DENND4A: variants seen among roughly 807,000 people sequenced by gnomAD.
DENND4A encodes the protein C-myc promoter-binding protein.
DENND4A carries 70 observed loss-of-function variants against 199.3 expected under a neutral mutation model. The observed-to-expected ratio is 0.35, with a 90% confidence interval of 0.29 to 0.43. DENND4A has a LOEUF of 0.43. Among genes scored for constraint, DENND4A ranks in the 20% least tolerant of loss-of-function variants. DENND4A has a pLI of 1.00. For synonymous variants in DENND4A, 686 were observed against 766.9 expected, an observed-to-expected ratio of 0.89 and a Z score of 1.74; for missense variants, 1,723 against 2,255.8, an observed-to-expected ratio of 0.76 and a Z score of 4.78.
chr15:65,723,332 T>C (rs1307485299), intron 11 of DENND4A, among the ~76,000 whole-genome samples: 2 of 152,088 alleles, frequency 1.3e-5, no homozygotes, highest in African/African-American at 4.8e-5. Context: ...TCTTAAATAC[T>C]GTAAGAAAAA....
At chr15:65,753,329 T>TA (rs989571988) in intron 3 of DENND4A, among the ~76,000 whole-genome samples, 19 of 152,048 alleles carry the variant, frequency 1.2e-4, no homozygotes, top group Admixed American at 4.6e-4. Flanking sequence ...TTGGCACTAG[T>TA]AAAAAAATAA....
intron 2 of DENND4A, among the ~76,000 whole-genome samples, chr15:65,759,479 A>G (rs1183892258): frequency 2.0e-5 from 3 of 151,478 alleles, no homozygotes; most frequent in Non-Finnish European, 2.9e-5. Context: ...CTCCATCTGG[A>G]AAAAAAAAGG....
chr15:65,788,800 A>G (rs759743233), intron 1 of DENND4A, among the ~76,000 whole-genome samples: 3 of 145,732 alleles, frequency 2.1e-5, no homozygotes, highest in Non-Finnish European at 4.5e-5. Context: ...GGTTGCAGTG[A>G]GCTAAGATCA....
intron 16 of DENND4A, 102 bp downstream of exon 16, chr15:65,702,771 G>C: frequency 8.7e-7 from 1 of 1,150,918 alleles, no homozygotes; most frequent in Non-Finnish European, 1.2e-6. Context: ...TAATAATCTA[G>C]TAATAGTTAT....
intron 21 of DENND4A, chr15:65,696,930 A>G: frequency 3.2e-6 from 1 of 313,694 alleles, no homozygotes; most frequent in Non-Finnish European, 6.1e-6. Context: ...ATAAACTACA[A>G]AAGGATCACA....
rs760941399 is a variant in DENND4A at position 65,670,004 on chromosome 15, T to G, written c.4640+9A>C. 1.3e-6 allele frequency: 2 copies of G among 1,591,082 alleles called. No homozygotes were observed. The highest frequency in any genetic ancestry group is 3.5e-5 in the Admixed American group (2 of 56,734). On this transcript the variant is annotated intron_variant, in intron 26 of 32. Coordinates refer to ENST00000443035, the MANE Select transcript of DENND4A (RefSeq NM_001320835.1). Reference sequence around the variant, plus strand: ...GATCCTTAAACATGAAGGAAAAAAATATCATTACCTTCCAGGTCGTCTTAA... The same window carrying G: ...GATCCTTAAACATGAAGGAAAAAAAGATCATTACCTTCCAGGTCGTCTTAA...
At chr15:65,759,773 T>G (rs1269431137) in intron 2 of DENND4A, among the ~76,000 whole-genome samples, 1 of 152,242 alleles carries the variant, frequency 6.6e-6, no homozygotes, top group East Asian at 1.9e-4. Flanking sequence ...TTAAGAAAGT[T>G]GCAGAATAAC....
intron 4 of DENND4A, among the ~76,000 whole-genome samples, chr15:65,748,130 T>G (rs2140553481): frequency 6.6e-6 from 1 of 150,816 alleles, no homozygotes; most frequent in East Asian, 1.9e-4. Flanking sequence ...AAAGTCAACT[T>G]CCATAAAAAC....
chr15:65,747,714 T>C (rs2076440285), intron 4 of DENND4A, among the ~76,000 whole-genome samples: 2 of 152,050 alleles, frequency 1.3e-5, no homozygotes, highest in African/African-American at 2.4e-5. Context: ...CAGTATCTCA[T>C]GTTGCTATAT....
At chr15:65,752,857 A>C (rs962485155) in intron 3 of DENND4A, among the ~76,000 whole-genome samples, 1 of 152,166 alleles carries the variant, frequency 6.6e-6, no homozygotes, top group African/African-American at 2.4e-5. Flanking sequence ...TGTTAATATA[A>C]ACCAGAGAAA....
chr15:65,666,261 T>C (rs1330751103), intron 29 of DENND4A, among the ~76,000 whole-genome samples: 1 of 152,126 alleles, frequency 6.6e-6, no homozygotes, highest in African/African-American at 2.4e-5. Context: ...AATAGAACAA[T>C]TAAAACAATA....
chr15:65,674,100 A>T (rs1206883234), intron 24 of DENND4A, among the ~76,000 whole-genome samples: 1 of 152,220 alleles, frequency 6.6e-6, no homozygotes, highest in Non-Finnish European at 1.5e-5. Context: ...GTTAATAGAC[A>T]TATCAGCCAA....
At chr15:65,735,601 A>C (rs1269049850) in intron 7 of DENND4A, among the ~76,000 whole-genome samples, 1 of 152,170 alleles carries the variant, frequency 6.6e-6, no homozygotes, top group Non-Finnish European at 1.5e-5. Flanking sequence ...TTGGCAGTAA[A>C]TATTACTAAT....
At chr15:65,746,610 T>C (rs1183152909) in intron 4 of DENND4A, among the ~76,000 whole-genome samples, 1 of 151,534 alleles carries the variant, frequency 6.6e-6, no homozygotes, top group Non-Finnish European at 1.5e-5. Flanking sequence ...GGTCACGAAC[T>C]CCTGACCTCA....
intron 11 of DENND4A, chr15:65,727,775 A>G: frequency 2.8e-6 from 1 of 352,550 alleles, no homozygotes; most frequent in Non-Finnish European, 5.4e-6. Context: ...TTCCCTGAAT[A>G]GATTAAGTAT....
chr15:65,756,565 G>C (rs1213484405), intron 2 of DENND4A, 93 bp from the exon 3 acceptor site: 2 of 805,700 alleles, frequency 2.5e-6, no homozygotes, highest in Non-Finnish European at 3.8e-6. Flanking sequence ...ACTACAAAAA[G>C]AGCACTAGTT....
rs752210262 is a variant in DENND4A, at chr15:65,691,115, T to C, written c.3479A>G (p.Asp1160Gly). 3 of 1,613,140 alleles carry C rather than the reference T, an allele frequency of 1.9e-6. No homozygotes were observed. The highest frequency in any genetic ancestry group is 1.7e-6 in the Non-Finnish European group (2 of 1,179,638). ...TTCTAAGTCAAAAATAACAGGAGAA[T>C]CCACTTTATCTGCCAAATAGTTAGA... ...DGSNYLADKV[D>G]SPVIFDLEDL... is the part of the protein sequence containing the mutation. The change falls in exon 23 of 33, where the codon GAT becomes GGT. Residue 1160 changes from aspartate (D) to glycine (G), a missense_variant. This residue lies in a region of DENND4A where 650 missense variants were observed against 738.1 expected (regional missense o/e 0.88). Coordinates refer to ENST00000443035, the MANE Select transcript of DENND4A (RefSeq NM_001320835.1).
intron 24 of DENND4A, among the ~76,000 whole-genome samples, chr15:65,675,570 A>G (rs557675747): frequency 6.6e-6 from 1 of 152,292 alleles, no homozygotes; most frequent in South Asian, 2.1e-4. Context: ...ACATTAAAAA[A>G]AAAAAGGACC....
intron 23 of DENND4A, among the ~76,000 whole-genome samples, chr15:65,679,104 T>C (rs560892810): frequency 1.1e-4 from 17 of 152,046 alleles, no homozygotes; most frequent in South Asian, 8.3e-4. Flanking sequence ...ATGATTTTAT[T>C]ATTATTTTGA....
Sources: allele counts gnomAD v4.1 joint callset (sites outside exome capture counted in the v4.1 genomes callset), GRCh38; gene constraint gnomAD v4.1.1; regional missense constraint gnomAD v4.1.1; transcripts MANE v1.5; gene names NCBI Gene and HGNC (gene_info 2026-07-23, HGNC 2026-07-21).